CSMD1: variants seen among roughly 807,000 people sequenced by gnomAD.
CSMD1 encodes CUB and sushi domain-containing protein 1.
CSMD1 carries 213 observed loss-of-function variants against 417.5 expected under a neutral mutation model. The observed-to-expected ratio is 0.51, with a 90% CI of 0.46 to 0.57. CSMD1 has a LOEUF of 0.57. CSMD1 is among the 20% of genes least tolerant of loss of function. CSMD1 has a pLI of 0.00. For missense variants in CSMD1, 6,923 were observed against 4,529.7 expected, an observed-to-expected ratio of 1.53 and a Z score of -15.17; for synonymous variants, 2,862 against 1,736.8, an observed-to-expected ratio of 1.65 and a Z score of -16.11.
At chr8:4,032,887 G>A (rs1585171320) in intron 3 of CSMD1, among the ~76,000 whole-genome samples, 5 of 152,212 alleles carry the variant, frequency 3.3e-5, no homozygotes, top group African/African-American at 9.6e-5. Flanking sequence ...AGGCCGTGGT[G>A]GGATGGGGCA....
At chr8:3,991,318 T>C (rs1814728933) in intron 5 of CSMD1, among the ~76,000 whole-genome samples, 1 of 152,212 alleles carries the variant, frequency 6.6e-6, no homozygotes, top group Non-Finnish European at 1.5e-5. Flanking sequence ...TGGAGGTACC[T>C]AGGTTGTGGC....
At chr8:4,570,997 T>C (rs908788395) in intron 2 of CSMD1, among the ~76,000 whole-genome samples, 1 of 152,148 alleles carries the variant, frequency 6.6e-6, no homozygotes, top group Non-Finnish European at 1.5e-5. Context: ...TATCCCTTTA[T>C]CTTTTTTTTA....
chr8:3,238,291 T>C (rs1349109752), intron 26 of CSMD1, among the ~76,000 whole-genome samples: 1 of 152,022 alleles, frequency 6.6e-6, no homozygotes, highest in Admixed American at 6.6e-5. Flanking sequence ...GAACAGGCCA[T>C]TTTCACTTCT....
At chr8:4,724,780 G>A (rs1156957094) in intron 1 of CSMD1, among the ~76,000 whole-genome samples, 3 of 151,968 alleles carry the variant, frequency 2.0e-5, no homozygotes, top group Admixed American at 1.3e-4. Flanking sequence ...AAGATATACA[G>A]CATAGCCTTG....
intron 3 of CSMD1, among the ~76,000 whole-genome samples, chr8:4,416,229 G>T (rs763281748): frequency 6.6e-6 from 1 of 152,114 alleles, no homozygotes; most frequent in Non-Finnish European, 1.5e-5. Flanking sequence ...TCCAAAGAAA[G>T]GTTGGATTAT....
At chr8:3,340,312 G>T (rs562102399) in intron 23 of CSMD1, among the ~76,000 whole-genome samples, 2 of 152,258 alleles carry the variant, frequency 1.3e-5, no homozygotes, top group Admixed American at 6.5e-5. Flanking sequence ...AAGTTGAAAG[G>T]TCCCTAAGTG....
At chr8:4,566,196 C>G (rs563684257) in intron 2 of CSMD1, among the ~76,000 whole-genome samples, 1 of 151,968 alleles carries the variant, frequency 6.6e-6, no homozygotes, top group Non-Finnish European at 1.5e-5. Context: ...CTACAATAGA[C>G]CATGCTAGTC....
intron 3 of CSMD1, among the ~76,000 whole-genome samples, chr8:4,303,458 AG>A (rs1462892139): frequency 4.6e-5 from 1 of 21,756 alleles, no homozygotes; most frequent in Admixed American, 8.0e-4. Context: ...TTTTTTTTTG[AG>A]TTCTCTGTGC....
At chr8:4,839,178 T>C (rs1305222613) in intron 1 of CSMD1, among the ~76,000 whole-genome samples, 1 of 152,106 alleles carries the variant, frequency 6.6e-6, no homozygotes, top group Non-Finnish European at 1.5e-5. Flanking sequence ...CTTCATCAGG[T>C]TCCAAGAAGG....
chr8:3,956,918 G>C (rs34177648), intron 5 of CSMD1, among the ~76,000 whole-genome samples: 1 of 151,822 alleles, frequency 6.6e-6, no homozygotes, highest in African/African-American at 2.4e-5. Flanking sequence ...AAACACTAAA[G>C]GCTATTTTCA....
At chr8:4,523,310 G>C (rs78468854) in intron 2 of CSMD1, among the ~76,000 whole-genome samples, 1 of 151,998 alleles carries the variant, frequency 6.6e-6, no homozygotes, top group African/African-American at 2.4e-5. Flanking sequence ...TTGCAGTTCT[G>C]AAACTGTATA....
chr8:3,662,616 ACT>A (rs1798476760), intron 7 of CSMD1, among the ~76,000 whole-genome samples: 1 of 152,196 alleles, frequency 6.6e-6, no homozygotes, highest in Non-Finnish European at 1.5e-5. Context: ...GAATCTCCAC[ACT>A]GTCTTCCAGA....
At position 3,575,040 on chromosome 8, in the gene CSMD1, C is replaced by G; in HGVS notation, c.1249G>C (p.Gly417Arg). The G allele has an allele frequency of 6.2e-7, 1 of 1,613,462 alleles. No homozygotes were observed. The highest frequency in any genetic ancestry group is 8.5e-7 in the Non-Finnish European group (1 of 1,179,710). Reference protein sequence around the residue: ...RARTCGSNLRGPSGVITSPNY... With the variant: ...RARTCGSNLRRPSGVITSPNY... The stretch of plus-strand genomic sequence containing the variant: ...GGGGAGGTAATGACGCCGCTGGGCC[C>G]ACGCAGATTGGATCCACATGTTCTC... The change falls in exon 10 of 70, where the codon GGG (glycine) becomes CGG (arginine). Residue 417 changes from glycine (G) to arginine (R), a missense_variant. Transcript: ENST00000635120.
chr8:4,246,715 A>G (rs1391238043), intron 3 of CSMD1, among the ~76,000 whole-genome samples: 1 of 152,194 alleles, frequency 6.6e-6, no homozygotes, highest in Non-Finnish European at 1.5e-5. Flanking sequence ...TTTTTAATTT[A>G]TCATTGGAAT....
intron 3 of CSMD1, among the ~76,000 whole-genome samples, chr8:4,301,747 C>G (rs1276980460): frequency 6.6e-6 from 1 of 152,164 alleles, no homozygotes; most frequent in East Asian, 1.9e-4. Context: ...TCTTCACTAT[C>G]ATGTCCTGCC....
At chr8:4,142,754 C>T (rs1017780173) in intron 3 of CSMD1, among the ~76,000 whole-genome samples, 1 of 150,882 alleles carries the variant, frequency 6.6e-6, no homozygotes, top group Admixed American at 6.6e-5. Context: ...ATTGAACTTG[C>T]CAATCACTTC....
chr8:3,071,399 A>C lies in CSMD1; in HGVS notation c.7474+15698T>G, dbSNP rs149246459. 7.3e-3 allele frequency among the ~76,000 whole-genome samples: 1,115 copies of C among 152,286 alleles called. 14 individuals are homozygous for C. Among genetic ancestry groups the C allele is most frequent in the African/African-American group, 0.025 (1,044 of 41,554 alleles). On this transcript the variant is annotated intron_variant, in intron 49 of 69. Transcript: ENST00000635120. ...AGAGCATTAGGACAAATACCTAATGAATGCAGGGCTTAAAACCAAGATGGT... is the reference window on the plus strand; with the variant it reads ...AGAGCATTAGGACAAATACCTAATGCATGCAGGGCTTAAAACCAAGATGGT...
chr8:2,952,882 T>C (rs545388032), intron 65 of CSMD1, among the ~76,000 whole-genome samples: 3 of 152,112 alleles, frequency 2.0e-5, no homozygotes, highest in Admixed American at 6.6e-5. Context: ...GCAGAGGTCA[T>C]CTTTCTGGGT....
chr8:3,614,327 C>T (rs966988787), intron 8 of CSMD1, among the ~76,000 whole-genome samples: 1 of 152,018 alleles, frequency 6.6e-6, no homozygotes, highest in Admixed American at 6.6e-5. Context: ...TACGTCTGCA[C>T]AACCTAGATT....
Sources: gnomAD v4.1 joint callset for allele counts (sites outside exome capture counted in the v4.1 genomes callset) on GRCh38, gnomAD v4.1.1 for gene constraint, MANE v1.5 for transcripts, NCBI Gene and HGNC (gene_info 2026-07-23, HGNC 2026-07-21) for gene names.